BCR: variants seen among roughly 807,000 people sequenced by gnomAD.
The protein encoded by BCR is BCR activator of RhoGEF and GTPase.
Under a neutral mutation model 138.6 loss-of-function variants are expected in BCR, and 58 were observed. The observed-to-expected ratio is 0.42, with a 90% CI of 0.34 to 0.52. The LOEUF (loss-of-function observed/expected upper bound fraction) is 0.52. BCR is among the 20% of genes least tolerant of loss of function. BCR has a pLI of 0.06. For synonymous variants in BCR, 786 were observed against 730.1 expected, an observed-to-expected ratio of 1.08 and a Z score of -1.23; for missense variants, 1,599 against 1,727.2, an observed-to-expected ratio of 0.93 and a Z score of 1.32.
At chr22:23,196,578 T>C (rs2146205329) in intron 1 of BCR, among the ~76,000 whole-genome samples, 1 of 152,268 alleles carries the variant, frequency 6.6e-6, no homozygotes, top group East Asian at 1.9e-4. Flanking sequence ...CCCAGCCTCC[T>C]TTTTGACACC....
chr22:23,249,504 T>C (rs2073198596), intron 1 of BCR, among the ~76,000 whole-genome samples: 1 of 151,948 alleles, frequency 6.6e-6, no homozygotes, highest in Non-Finnish European at 1.5e-5. Flanking sequence ...GAAGGATCCC[T>C]TGAGCCCAGG....
intron 16 of BCR, among the ~76,000 whole-genome samples, chr22:23,303,746 G>A (rs2073928191): frequency 1.3e-5 from 2 of 152,174 alleles, no homozygotes; most frequent in South Asian, 4.2e-4. Context: ...CATCAACATG[G>A]ATAGTGATAC....
chr22:23,305,414 C>T (rs2073946443), intron 16 of BCR, among the ~76,000 whole-genome samples: 1 of 152,222 alleles, frequency 6.6e-6, no homozygotes, highest in South Asian at 2.1e-4. Context: ...AGCCCCCTCC[C>T]TGCCCCTGCT....
At chr22:23,289,390 C>A in intron 12 of BCR, 127 bp from the exon 13 acceptor site, 1 of 746,720 alleles carries the variant, frequency 1.3e-6, no homozygotes, top group Non-Finnish European at 2.3e-6. Context: ...TCTCCTGAGC[C>A]CCCAAGCCCT....
intron 2 of BCR, among the ~76,000 whole-genome samples, chr22:23,259,495 T>C (rs75753976): frequency 0.01 from 1,548 of 151,922 alleles, 25 homozygotes; most frequent in African/African-American, 0.034. Flanking sequence ...GACAAGACCT[T>C]GTTTCTATTA....
chr22:23,305,131 G>C (rs1247738807), intron 16 of BCR, among the ~76,000 whole-genome samples: 1 of 150,352 alleles, frequency 6.7e-6, no homozygotes, highest in Non-Finnish European at 1.5e-5. Context: ...AAAAAAAAAA[G>C]GTGCAGGATG....
At chr22:23,195,901 T>A (rs2330365) in intron 1 of BCR, among the ~76,000 whole-genome samples, 152,324 of 152,342 alleles carry the variant, frequency 1, 76,153 homozygotes, top group Middle Eastern at 1. Context: ...AAAAACAAAT[T>A]AAATAAATAA....
intron 5 of BCR, among the ~76,000 whole-genome samples, chr22:23,269,269 G>A (rs117486344): frequency 0.011 from 1,606 of 152,300 alleles, 20 homozygotes; most frequent in South Asian, 0.05. Context: ...TGTCTGCCTG[G>A]TGGTCACTCT....
At chr22:23,271,119 A>T (rs939436102) in intron 5 of BCR, among the ~76,000 whole-genome samples, 3 of 152,170 alleles carry the variant, frequency 2.0e-5, no homozygotes, top group Non-Finnish European at 4.4e-5. Context: ...GTGTCAGAGG[A>T]TCTCAGCCAG....
chr22:23,282,286 T>C (rs2073655190), intron 8 of BCR, among the ~76,000 whole-genome samples: 1 of 152,186 alleles, frequency 6.6e-6, no homozygotes, highest in African/African-American at 2.4e-5. Flanking sequence ...GTTTCTTGCT[T>C]CCCGTGGGTG....
At position 23,180,778 on chromosome 22, in the gene BCR, G is replaced by A; in HGVS notation, c.-183G>A. On this transcript the variant is annotated 5_prime_UTR_variant, in exon 1 of 23. Coordinates refer to ENST00000305877, the MANE Select transcript of BCR (RefSeq NM_004327.4). ...TTCCCCCCGGCGCGCCCCGCCCCGC[G>A]CGCCGAGCGCCCCGCTCCGCCTCAC... 5.7e-6 allele frequency: 1 copy of A among 176,598 alleles called. No homozygotes were observed. The allele number at this position is 176,598 out of a possible 1,614,324, so 10.9% of individuals were successfully genotyped here.
rs1247038470 is a variant in BCR, at chr22:23,182,219, G to A, written c.1259G>A (p.Gly420Asp). 6.3e-7 allele frequency: 1 copy of A among 1,577,280 alleles called. No individual in the cohort carries two copies. Among genetic ancestry groups the A allele is most frequent in the Non-Finnish European group, 8.6e-7 (1 of 1,165,306 alleles). ...TGQIWPNDGE[G>D]AFHGDADGSF... ...CAGATCTGGCCCAACGATGGCGAGG[G>A]CGCCTTCCATGGAGACGCAGGTGAG... is the stretch of plus-strand genomic sequence containing the variant. Residue 420 changes from glycine (G) to aspartate (D), a missense_variant, in exon 1 of 23, where the codon GGC becomes GAC. Transcript: ENST00000305877.
chr22:23,180,906 C>T lies in BCR; in HGVS notation c.-55C>T. 4 of 1,027,316 alleles carry T rather than the reference C, an allele frequency of 3.9e-6. No individual in the cohort carries two copies. The South Asian group carries it at 1.8e-4, about 46-fold the overall frequency. 63.6% of individuals were successfully genotyped at this position (1,027,316 alleles called of 1,614,324 possible). A position where few individuals can be genotyped will look rare whatever the true frequency, so the allele number is the denominator to read the frequency against. On this transcript the variant is annotated 5_prime_UTR_variant, in exon 1 of 23. Transcript: ENST00000305877. ...GCCGGGCTGGCGAGGCGCCGCGCCG[C>T]CGCTGAGACGGGCCCCGCGCGCAGC...
At chr22:23,194,331 G>T (rs1209606745) in intron 1 of BCR, among the ~76,000 whole-genome samples, 2 of 152,064 alleles carry the variant, frequency 1.3e-5, no homozygotes, top group African/African-American at 4.8e-5. Context: ...TGCCAGGCTG[G>T]GCGTGGTGGC....
At chr22:23,237,542 C>T (rs977106604) in intron 1 of BCR, among the ~76,000 whole-genome samples, 13 of 152,208 alleles carry the variant, frequency 8.5e-5, no homozygotes, top group African/African-American at 1.9e-4. Context: ...AGATCCTTGC[C>T]GGCTGGTTTT....
intron 1 of BCR, among the ~76,000 whole-genome samples, chr22:23,190,368 A>T (rs1467849347): frequency 6.6e-6 from 1 of 152,056 alleles, no homozygotes; most frequent in Non-Finnish European, 1.5e-5. Context: ...GGGTTTCACC[A>T]TGTTAGCCAG....
Position 23,242,173 on chromosome 22 carries a change from C to T in BCR, c.1280-11626C>T, listed in dbSNP as rs187587920. Among the ~76,000 whole-genome samples, 19 of 152,228 alleles carry T rather than the reference C, an allele frequency of 1.2e-4. No homozygotes were observed. The East Asian group carries it at 3.5e-3, about 28-fold the overall frequency. On this transcript the variant is annotated intron_variant, in intron 1 of 22. Coordinates refer to ENST00000305877, the MANE Select transcript of BCR (RefSeq NM_004327.4). ...CGAAGCAAGATGCTTTATCCTTTTT[C>T]GATAAAGAACAATAAGTTTGAGAAG... is the stretch of plus-strand genomic sequence containing the variant.
intron 4 of BCR, chr22:23,262,712 GGCCC>G: frequency 1.3e-6 from 1 of 783,890 alleles, no homozygotes; most frequent in Non-Finnish European, 1.6e-6. Context: ...GGTGAGGGCG[GGCCC>G]GGGTGAGGGC....
At chr22:23,276,746 C>G (rs1188499653) in intron 8 of BCR, among the ~76,000 whole-genome samples, 1 of 152,264 alleles carries the variant, frequency 6.6e-6, no homozygotes, top group Non-Finnish European at 1.5e-5. Context: ...GGACATCCAC[C>G]TCGGTATCCC....
Sources: allele counts gnomAD v4.1 joint callset (sites outside exome capture counted in the v4.1 genomes callset), GRCh38; gene constraint gnomAD v4.1.1; transcripts MANE v1.5; gene names NCBI Gene and HGNC (gene_info 2026-07-23, HGNC 2026-07-21).